The following DMC1 variants were observed in gnomAD, a reference collection of about 807,000 sequenced individuals.
The protein encoded by DMC1 is meiotic recombination protein DMC1 homolog.
A neutral mutation model predicts 50.1 loss-of-function variants in DMC1; 27 were observed. The observed-to-expected ratio is 0.54, with a 90% CI of 0.40 to 0.74. DMC1 has a LOEUF of 0.74. Among genes scored for constraint, DMC1 ranks in the 30% least tolerant of loss-of-function variants. The pLI, the probability that DMC1 is intolerant of heterozygous loss-of-function variation, is 0.00. For missense variants in DMC1, 295 were observed against 420.2 expected (o/e 0.70, Z 2.60); for synonymous variants, 148 against 136.1 (o/e 1.09, Z -0.61).
chr22:38,557,953 G>GTTTTTTT (rs1555940699), intron 5 of DMC1, among the ~76,000 whole-genome samples: 11 of 94,972 alleles, frequency 1.2e-4, no homozygotes, highest in African/African-American at 3.3e-4. Context: ...ATTAGACAAA[G>GTTTTTTT]TTCTTTTTTT....
At chr22:38,557,613 C>T (rs544295394) in intron 5 of DMC1, among the ~76,000 whole-genome samples, 3 of 152,094 alleles carry the variant, frequency 2.0e-5, no homozygotes, top group Admixed American at 6.5e-5. Flanking sequence ...TGCAGTGAGC[C>T]GTGATGGAGC....
At chr22:38,525,325 G>A (rs563037787) in intron 12 of DMC1, among the ~76,000 whole-genome samples, 2 of 152,288 alleles carry the variant, frequency 1.3e-5, no homozygotes, top group East Asian at 3.9e-4. Context: ...AACTTTTGAA[G>A]AGTGTTCTGA....
chr22:38,510,738 GA>G, the DMC1 span, among the ~76,000 whole-genome samples: 1 of 152,214 alleles, frequency 6.6e-6, no homozygotes, highest in Non-Finnish European at 1.5e-5. Context: ...AACTTTTGGA[GA>G]ACAGAACCAG....
At chr22:38,560,459 C>G (rs5750622) in intron 5 of DMC1, among the ~76,000 whole-genome samples, 40,120 of 151,514 alleles carry the variant, frequency 0.26, 5,603 homozygotes, top group East Asian at 0.36. Flanking sequence ...CCACTGCATT[C>G]CAGCCTAACC....
At chr22:38,525,852 A>C (rs916455362) in intron 12 of DMC1, among the ~76,000 whole-genome samples, 3 of 152,056 alleles carry the variant, frequency 2.0e-5, no homozygotes, top group African/African-American at 7.2e-5. Context: ...ACGCAGGAAG[A>C]TCTCTCAAGT....
chr22:38,515,811 T>C (rs140521713), downstream of DMC1, among the ~76,000 whole-genome samples: 1 of 152,056 alleles, frequency 6.6e-6, no homozygotes, highest in African/African-American at 2.4e-5. Context: ...AATCAATCAA[T>C]AAATAAACAA....
At chr22:38,516,509 T>C (rs910609006), downstream of DMC1, among the ~76,000 whole-genome samples, 1 of 152,196 alleles carries the variant, frequency 6.6e-6, no homozygotes, top group African/African-American at 2.4e-5. Context: ...CCAGGGCTCC[T>C]CATACCAGGG....
intron 12 of DMC1, among the ~76,000 whole-genome samples, chr22:38,536,010 C>T (rs938265501): frequency 2.0e-5 from 3 of 151,204 alleles, no homozygotes; most frequent in Non-Finnish European, 4.4e-5. Flanking sequence ...CGCTTGAGGC[C>T]AGGAGTTCGA....
At chr22:38,535,982 A>G (rs572431338) in intron 12 of DMC1, among the ~76,000 whole-genome samples, 45 of 149,544 alleles carry the variant, frequency 3.0e-4, no homozygotes, top group Admixed American at 1.4e-3. Flanking sequence ...GCACTTTGGG[A>G]TGCTGAGGTG....
chr22:38,558,077 T>C (rs1016169598), intron 5 of DMC1, among the ~76,000 whole-genome samples: 3 of 147,782 alleles, frequency 2.0e-5, no homozygotes, highest in Non-Finnish European at 4.5e-5. Context: ...ATTCTCTGCA[T>C]CAGCCTCCTG....
rs1335814854 is a variant in DMC1 at position 38,519,378 on chromosome 22, A to G, written c.*642T>C. 6.5e-6 allele frequency: 1 copy of G among 152,774 alleles called. No homozygotes were observed. Among genetic ancestry groups the G allele is most frequent in the Non-Finnish European group, 1.5e-5 (1 of 68,508 alleles). 9.5% of individuals were successfully genotyped at this position (152,774 alleles called of 1,614,324 possible). A position where few individuals can be genotyped will look rare whatever the true frequency, so the allele number is the denominator to read the frequency against. ...CGCCCAGCCATAAATACATTTTTTA[A>G]AAGTAATTTCTGCTTGTCAAAGTCA... On this transcript the variant is annotated 3_prime_UTR_variant, in exon 14 of 14. Transcript: ENST00000216024.
At chr22:38,551,010 G>A (rs1202691658) in intron 7 of DMC1, among the ~76,000 whole-genome samples, 3 of 150,380 alleles carry the variant, frequency 2.0e-5, no homozygotes, top group Non-Finnish European at 3.0e-5. Context: ...CAAATAGGCC[G>A]AGTGGGCGGA....
At chr22:38,509,866 A>G in the DMC1 span, among the ~76,000 whole-genome samples, 2 of 152,004 alleles carry the variant, frequency 1.3e-5, no homozygotes, top group Non-Finnish European at 2.9e-5. Flanking sequence ...GGCTTTTGCC[A>G]TTATTAGCCA....
the DMC1 span, among the ~76,000 whole-genome samples, chr22:38,512,293 T>C: frequency 1.4e-4 from 21 of 152,098 alleles, no homozygotes; most frequent in Non-Finnish European, 2.6e-4. Flanking sequence ...ATCTTTCTTC[T>C]CTCAACTTGG....
At chr22:38,536,633 G>C (rs1349657650) in intron 12 of DMC1, among the ~76,000 whole-genome samples, 1 of 151,902 alleles carries the variant, frequency 6.6e-6, no homozygotes, top group East Asian at 1.9e-4. Flanking sequence ...TTTTATGAAT[G>C]GTGTTTATTA....
At chr22:38,567,764 A>C (rs2090594999) in intron 2 of DMC1, 137 bp from the exon 3 acceptor site, 2 of 681,860 alleles carry the variant, frequency 2.9e-6, no homozygotes, top group Non-Finnish European at 5.2e-6. Flanking sequence ...TTGAGGAAGG[A>C]TCAATACCGT....
chr22:38,556,254 G>A (rs1329196662), intron 5 of DMC1, among the ~76,000 whole-genome samples: 1 of 151,904 alleles, frequency 6.6e-6, no homozygotes, highest in African/African-American at 2.4e-5. Flanking sequence ...ACCTGACACA[G>A]GGCTAATTTT....
the DMC1 span, among the ~76,000 whole-genome samples, chr22:38,512,597 G>C: frequency 1.3e-5 from 2 of 152,132 alleles, no homozygotes; most frequent in Admixed American, 6.5e-5. Context: ...GAAGCCTGGC[G>C]TAGGAAAGCA....
At chr22:38,538,092 C>T (rs1222873227) in intron 11 of DMC1, among the ~76,000 whole-genome samples, 1 of 151,736 alleles carries the variant, frequency 6.6e-6, no homozygotes, top group Non-Finnish European at 1.5e-5. Flanking sequence ...TGCAGTGAGC[C>T]GAGATCGCAC....
Sources: gnomAD v4.1 joint callset for allele counts (sites outside exome capture counted in the v4.1 genomes callset) on GRCh38, gnomAD v4.1.1 for gene constraint, MANE v1.5 for transcripts, NCBI Gene and HGNC (gene_info 2026-07-23, HGNC 2026-07-21) for gene names.